MMS22L: variants seen among roughly 807,000 people sequenced by gnomAD.
MMS22L encodes MMS22 like, DNA repair protein, also known as protein MMS22-like.
A neutral mutation model predicts 159.1 loss-of-function variants in MMS22L; 74 were observed. That is an observed-to-expected ratio of 0.47 (90% confidence interval 0.39 to 0.56). MMS22L has a LOEUF of 0.56. MMS22L is among the 20% of genes least tolerant of loss of function. The pLI, the probability that MMS22L is intolerant of heterozygous loss-of-function variation, is 0.00. For missense variants in MMS22L, 1,351 were observed against 1,422.1 expected (o/e 0.95, Z 0.80); for synonymous variants, 517 against 506.9 (o/e 1.02, Z -0.27).
At position 97,146,826 on chromosome 6, in the gene MMS22L, G is replaced by A. The variant is rs534269649; in HGVS notation, c.3712C>T (p.Leu1238=). The change falls in exon 25 of 25, where the codon CTG becomes TTG. Residue 1238 remains leucine, a synonymous_variant. Coordinates refer to ENST00000683635, the MANE Select transcript of MMS22L (RefSeq NM_001350599.2). The stretch of plus-strand genomic sequence containing the variant: ...ATATATTAAGTATTATCATTTTCCA[G>A]TCTCTGCATCTCATCTTGTCCCATC... ...GQMGQDEMQR[L]ENDNT 8 of 1,575,746 alleles carry A rather than the reference G, an allele frequency of 5.1e-6. No homozygotes were observed. In the East Asian group the frequency reaches 1.9e-4, roughly 37 times the overall value.
At chr6:97,161,343 T>C (rs1241318093) in intron 22 of MMS22L, among the ~76,000 whole-genome samples, 1 of 151,982 alleles carries the variant, frequency 6.6e-6, no homozygotes, top group African/African-American at 2.4e-5. Context: ...AATTTCTGGG[T>C]GATTGTTTTA....
chr6:97,204,058 C>T (rs1362904207), intron 14 of MMS22L, among the ~76,000 whole-genome samples: 1 of 152,170 alleles, frequency 6.6e-6, no homozygotes, highest in African/African-American at 2.4e-5. Context: ...ATGCCAAACC[C>T]TACTGTAACA....
At chr6:97,172,975 G>A (rs1803703905) in intron 19 of MMS22L, 88 bp downstream of exon 19, 1 of 1,273,010 alleles carries the variant, frequency 7.9e-7, no homozygotes, top group Non-Finnish European at 1.1e-6. Context: ...GGAGGGTAGT[G>A]ATTTAGCCAA....
intron 5 of MMS22L, 30 bp from the exon 6 acceptor site, chr6:97,272,911 TAG>T: frequency 6.2e-7 from 1 of 1,607,420 alleles, no homozygotes; most frequent in Non-Finnish European, 8.5e-7. Flanking sequence ...AATAAACAAC[TAG>T]AGTCTGTGTG....
intron 14 of MMS22L, among the ~76,000 whole-genome samples, chr6:97,221,425 G>A (rs1458204167): frequency 1.3e-5 from 2 of 151,960 alleles, no homozygotes; most frequent in Admixed American, 6.6e-5. Flanking sequence ...CTAATATATT[G>A]AGTAGTTTAT....
intron 9 of MMS22L, among the ~76,000 whole-genome samples, chr6:97,258,245 G>C (rs1337162359): frequency 1.3e-5 from 2 of 152,108 alleles, no homozygotes; most frequent in African/African-American, 4.8e-5. Flanking sequence ...TTAGCCTATA[G>C]ACCTTAAGGC....
chr6:97,279,238 C>A (rs1816522892), intron 3 of MMS22L, among the ~76,000 whole-genome samples: 1 of 151,976 alleles, frequency 6.6e-6, no homozygotes, highest in Non-Finnish European at 1.5e-5. Flanking sequence ...AATCCCAGCA[C>A]TTTGGGAGGC....
At position 97,233,937 on chromosome 6, in the gene MMS22L, C is replaced by T; in HGVS notation, c.1226G>A (p.Cys409Tyr). The T allele has an allele frequency of 6.2e-7, 1 of 1,611,172 alleles. No homozygotes were observed. Among genetic ancestry groups the T allele is most frequent in the Non-Finnish European group, 8.5e-7 (1 of 1,178,700 alleles). ...EEQLRMYLHCCLTLCDFWEPN... is the reference protein window; with the variant it reads ...EEQLRMYLHCYLTLCDFWEPN... The stretch of plus-strand genomic sequence containing the variant: ...CTCCCAGAAATCACAAAGTGTCAAA[C>T]AACAGTGAAGATACATTCGTAATTG... Residue 409 changes from cysteine (C) to tyrosine (Y), a missense_variant, in exon 12 of 25, where the codon TGT (cysteine) becomes TAT (tyrosine). Physicochemically the swap from Cys to Tyr is radical, Grantham distance 194. Transcript: ENST00000683635.
intron 14 of MMS22L, among the ~76,000 whole-genome samples, chr6:97,207,386 T>C (rs1807899204): frequency 6.6e-6 from 1 of 152,172 alleles, no homozygotes; most frequent in Non-Finnish European, 1.5e-5. Context: ...TATACTTCAA[T>C]GTACAAAACA....
chr6:97,147,729 G>A (rs1451047579), intron 24 of MMS22L, among the ~76,000 whole-genome samples: 3 of 152,070 alleles, frequency 2.0e-5, no homozygotes, highest in Admixed American at 6.6e-5. Context: ...AAAACCACAG[G>A]AGGCTAGCCA....
rs1339997838 is a variant in MMS22L, at chr6:97,143,657, G to A, written c.*3149C>T. 6.6e-6 allele frequency: 1 copy of A among 152,170 alleles called. No individual in the cohort carries two copies. The highest frequency in any genetic ancestry group is 1.5e-5 in the Non-Finnish European group (1 of 68,034). The allele number at this position is 152,170 out of a possible 1,614,324, so 9.4% of individuals were successfully genotyped here. A position where few individuals can be genotyped will look rare whatever the true frequency, so the allele number is the denominator to read the frequency against. On this transcript the variant is annotated 3_prime_UTR_variant, in exon 25 of 25. Coordinates refer to ENST00000683635, the MANE Select transcript of MMS22L (RefSeq NM_001350599.2). ...TAAGATCCTGTAATGGTAATCAACTGAAAGTGGGAGAAACATGAAGAACCT... is the reference window on the plus strand; with the variant it reads ...TAAGATCCTGTAATGGTAATCAACTAAAAGTGGGAGAAACATGAAGAACCT...
intron 14 of MMS22L, among the ~76,000 whole-genome samples, chr6:97,216,931 T>C (rs921296785): frequency 6.6e-6 from 1 of 152,250 alleles, no homozygotes; most frequent in Non-Finnish European, 1.5e-5. Context: ...AACAACTGAA[T>C]TGATCCACTT....
At chr6:97,199,000 A>C (rs1806844581) in intron 14 of MMS22L, among the ~76,000 whole-genome samples, 1 of 152,134 alleles carries the variant, frequency 6.6e-6, no homozygotes, top group Non-Finnish European at 1.5e-5. Context: ...CACCTTTTAA[A>C]GCTAATTAAT....
At chr6:97,230,562 G>A (rs1810750821) in intron 13 of MMS22L, 1 of 152,030 alleles carries the variant, frequency 6.6e-6, no homozygotes, top group South Asian at 2.1e-4. Context: ...CCACTATAGT[G>A]CTTGACATAT....
intron 9 of MMS22L, among the ~76,000 whole-genome samples, chr6:97,257,081 G>A (rs1476676550): frequency 6.6e-6 from 1 of 151,856 alleles, no homozygotes; most frequent in African/African-American, 2.4e-5. Flanking sequence ...ACCCTATGTG[G>A]GTGCACTGAA....
intron 16 of MMS22L, 141 bp from the exon 17 acceptor site, chr6:97,179,700 T>C (rs184412937): frequency 5.0e-6 from 3 of 595,104 alleles, no homozygotes; most frequent in Non-Finnish European, 7.9e-6. Context: ...AACGTAGGCA[T>C]GCATTGTTGA....
intron 6 of MMS22L, chr6:97,272,186 A>C (rs576650715): frequency 6.6e-6 from 1 of 152,318 alleles, no homozygotes; most frequent in Non-Finnish European, 1.5e-5. Context: ...ACCAAACTTC[A>C]GAGGGAATGA....
intron 11 of MMS22L, among the ~76,000 whole-genome samples, chr6:97,243,655 C>G (rs1013129056): frequency 6.6e-6 from 1 of 151,894 alleles, no homozygotes; most frequent in Non-Finnish European, 1.5e-5. Context: ...TGATAAAGAA[C>G]CTTGTTTTGT....
chr6:97,216,672 T>A (rs936755096), intron 14 of MMS22L, among the ~76,000 whole-genome samples: 1 of 152,206 alleles, frequency 6.6e-6, no homozygotes, highest in East Asian at 1.9e-4. Context: ...TGTGGTGCCA[T>A]GAAAGAGCAC....
Sources: allele counts gnomAD v4.1 joint callset (sites outside exome capture counted in the v4.1 genomes callset), GRCh38; gene constraint gnomAD v4.1.1; transcripts MANE v1.5; gene names NCBI Gene and HGNC (gene_info 2026-07-23, HGNC 2026-07-21).